The following DOCK3 variants were observed in gnomAD, a reference collection of about 807,000 sequenced individuals.
DOCK3 encodes dedicator of cytokinesis protein 3.
Under a neutral mutation model 265.6 loss-of-function variants are expected in DOCK3, and 60 were observed. That is an observed-to-expected ratio of 0.23 (90% CI 0.18 to 0.28). DOCK3 has a LOEUF of 0.28. DOCK3 is among the 10% of genes least tolerant of loss of function. The probability of loss-of-function intolerance (pLI) is 1.00; values close to 1 mark genes in which losing one functional copy is unlikely to be tolerated. For synonymous variants in DOCK3, 881 were observed against 938.0 expected, an observed-to-expected ratio of 0.94 and a Z score of 1.11; for missense variants, 1,981 against 2,594.3, an observed-to-expected ratio of 0.76 and a Z score of 5.14.
At chr3:51,338,881 C>A in intron 36 of DOCK3, 54 bp from the exon 37 acceptor site, 1 of 1,479,208 alleles carries the variant, frequency 6.8e-7, no homozygotes, top group Non-Finnish European at 9.3e-7. Flanking sequence ...CTGCCCAGAG[C>A]TTGGCTATGG....
At chr3:50,959,860 G>GTT (rs2076839998) in intron 5 of DOCK3, among the ~76,000 whole-genome samples, 1 of 152,140 alleles carries the variant, frequency 6.6e-6, no homozygotes, top group Non-Finnish European at 1.5e-5. Flanking sequence ...GATTATAGGC[G>GTT]TGAGCCACCA....
intron 40 of DOCK3, among the ~76,000 whole-genome samples, chr3:51,354,419 C>T (rs1267433236): frequency 3.3e-5 from 5 of 152,170 alleles, no homozygotes; most frequent in Non-Finnish European, 7.3e-5. Flanking sequence ...CTCTGCCCAA[C>T]TGCTTCTACC....
intron 4 of DOCK3, among the ~76,000 whole-genome samples, chr3:50,928,134 T>G (rs1340592124): frequency 3.5e-5 from 4 of 113,854 alleles, no homozygotes; most frequent in South Asian, 2.7e-4. Flanking sequence ...TGATGATATA[T>G]ATATATATAT....
intron 9 of DOCK3, among the ~76,000 whole-genome samples, chr3:51,135,907 G>A (rs57406588): frequency 0.07 from 10,588 of 151,866 alleles, 931 homozygotes; most frequent in East Asian, 0.32. Context: ...ACAGGATCTC[G>A]CCATATTTCC....
At chr3:50,774,966 A>G (rs1044984834) in intron 1 of DOCK3, among the ~76,000 whole-genome samples, 1 of 151,962 alleles carries the variant, frequency 6.6e-6, no homozygotes, top group Non-Finnish European at 1.5e-5. Context: ...TTAATTTTCT[A>G]ATATTAAACC....
At chr3:51,071,704 C>T (rs1343931609) in intron 6 of DOCK3, among the ~76,000 whole-genome samples, 1 of 152,180 alleles carries the variant, frequency 6.6e-6, no homozygotes, top group Non-Finnish European at 1.5e-5. Context: ...ACATCAGAAC[C>T]CATGCTCCTT....
intron 5 of DOCK3, among the ~76,000 whole-genome samples, chr3:50,986,269 A>G (rs530389349): frequency 3.3e-4 from 51 of 152,246 alleles, no homozygotes; most frequent in Non-Finnish European, 6.3e-4. Context: ...GCAAGTATAT[A>G]GTTACAATCT....
chr3:51,201,798 A>C (rs899001987), intron 12 of DOCK3, among the ~76,000 whole-genome samples: 6 of 152,194 alleles, frequency 3.9e-5, no homozygotes, highest in African/African-American at 1.2e-4. Context: ...CAAATGTAAA[A>C]GAACAGAAAT....
intron 1 of DOCK3, among the ~76,000 whole-genome samples, chr3:50,705,825 T>C (rs1405440209): frequency 4.6e-5 from 7 of 151,684 alleles, no homozygotes; most frequent in Non-Finnish European, 8.8e-5. Flanking sequence ...AGGCCAGGAG[T>C]TTAAGACCAG....
intron 5 of DOCK3, among the ~76,000 whole-genome samples, chr3:51,051,182 C>G (rs1374232147): frequency 2.0e-5 from 3 of 151,854 alleles, no homozygotes; most frequent in Non-Finnish European, 4.4e-5. Context: ...TAGATAAAAC[C>G]AAACAATTTT....
Position 50,733,886 on chromosome 3 carries a change from T to A in DOCK3, c.38-44789T>A, listed in dbSNP as rs1449506064. 2.6e-5 allele frequency among the ~76,000 whole-genome samples: 4 copies of A among 152,082 alleles called. No individual in the cohort carries two copies. In the South Asian group the frequency reaches 6.2e-4, roughly 24 times the overall value. On this transcript the variant is annotated intron_variant, in intron 1 of 52. Coordinates refer to ENST00000266037, the MANE Select transcript of DOCK3 (RefSeq NM_004947.5). ...CTGTTTATCATTTATGTATCTACAA[T>A]AAGCTTTTGCTTTGTGGCTGGCTGA... is the stretch of plus-strand genomic sequence containing the variant.
At chr3:50,999,199 A>G (rs1486251633) in intron 5 of DOCK3, among the ~76,000 whole-genome samples, 1 of 152,246 alleles carries the variant, frequency 6.6e-6, no homozygotes, top group Non-Finnish European at 1.5e-5. Context: ...ATCTTTGCCC[A>G]ACCTGTTAAG....
At chr3:50,883,130 T>G (rs951728738) in intron 3 of DOCK3, among the ~76,000 whole-genome samples, 5 of 151,640 alleles carry the variant, frequency 3.3e-5, no homozygotes, top group Non-Finnish European at 7.4e-5. Flanking sequence ...GGTGGGGGAA[T>G]GGGGGAGGGA....
At position 50,841,678 on chromosome 3, in the gene DOCK3, G is replaced by T; in HGVS notation, c.125G>T (p.Trp42Leu). The T allele has an allele frequency of 7.8e-7, 1 of 1,288,058 alleles. No homozygotes were observed. Among genetic ancestry groups the T allele is most frequent in the East Asian group, 2.7e-5 (1 of 37,182 alleles). The allele number at this position is 1,288,058 out of a possible 1,614,324, so 79.8% of individuals were successfully genotyped here. The change falls in exon 3 of 53, where the codon TGG (tryptophan) becomes TTG (leucine). Residue 42 changes from tryptophan to leucine, a missense_variant. Coordinates refer to ENST00000266037, the MANE Select transcript of DOCK3 (RefSeq NM_004947.5). ...ATTCTCTTATGCTTTGTTTTAGGTT[G>T]GTACAGAGGAGTTTCAACAAAGAAG... ...TVQILEKCEG[W>L]YRGVSTKKPN...
intron 5 of DOCK3, among the ~76,000 whole-genome samples, chr3:51,059,053 G>A (rs529141090): frequency 2.8e-4 from 42 of 152,186 alleles, no homozygotes; most frequent in African/African-American, 9.6e-4. Flanking sequence ...GTACCTAACA[G>A]GTAAGTTTCA....
chr3:50,965,810 T>C (rs538872424), intron 5 of DOCK3, among the ~76,000 whole-genome samples: 1 of 152,274 alleles, frequency 6.6e-6, no homozygotes, highest in South Asian at 2.1e-4. Context: ...CTTAAAAATA[T>C]TTAATTGACA....
At chr3:50,745,279 C>T (rs1225763689) in intron 1 of DOCK3, among the ~76,000 whole-genome samples, 1 of 152,088 alleles carries the variant, frequency 6.6e-6, no homozygotes, top group Non-Finnish European at 1.5e-5. Flanking sequence ...CTCCCAACCT[C>T]AGGTGATCTG....
chr3:51,328,967 A>G (rs890311959), intron 32 of DOCK3, among the ~76,000 whole-genome samples: 3 of 152,116 alleles, frequency 2.0e-5, no homozygotes, highest in African/African-American at 7.2e-5. Context: ...AGCCTGGGCA[A>G]CATGGTGAAA....
intron 1 of DOCK3, among the ~76,000 whole-genome samples, chr3:50,777,975 C>G (rs560527765): frequency 3.3e-5 from 5 of 152,176 alleles, no homozygotes; most frequent in African/African-American, 1.2e-4. Context: ...AAATGGGCAT[C>G]CTTATCTTGT....
Sources: allele counts gnomAD v4.1 joint callset (sites outside exome capture counted in the v4.1 genomes callset), GRCh38; gene constraint gnomAD v4.1.1; transcripts MANE v1.5; gene names NCBI Gene and HGNC (gene_info 2026-07-23, HGNC 2026-07-21).